Variants in CLN3 observed in about 807,000 individuals in gnomAD.
CLN3 encodes the protein battenin.
In CLN3, 49 loss-of-function variants were observed where a neutral mutation model predicts 60.7. The ratio of observed to expected loss-of-function variants is 0.81; its 90% CI spans 0.64 to 1.02. The LOEUF is 1.02. Among genes scored for constraint, CLN3 ranks in the 50% least tolerant of loss-of-function variants. The pLI is 0.00. For missense variants in CLN3, 516 were observed against 557.4 expected (o/e 0.93, Z 0.75); for synonymous variants, 256 against 245.8 (o/e 1.04, Z -0.39).
intron 1 of CLN3, 39 bp downstream of exon 1, chr16:28,491,981 C>G (rs980657715): frequency 1.6e-6 from 1 of 629,860 alleles, no homozygotes; most frequent in Non-Finnish European, 2.8e-6. Flanking sequence ...ATCGTACTCT[C>G]CCCCGCCCCG....
At chr16:28,469,744 T>A, downstream of CLN3, 3 of 400,400 alleles carry the variant, frequency 7.5e-6, no homozygotes, top group South Asian at 5.4e-5. Flanking sequence ...ATCCCGGCAC[T>A]GGGAGGCCGA....
intron 4 of CLN3, among the ~76,000 whole-genome samples, chr16:28,489,008 T>A (rs1400516123): frequency 2.0e-5 from 3 of 152,172 alleles, no homozygotes; most frequent in African/African-American, 7.2e-5. Context: ...TTCAAGCAAT[T>A]CTCCTGCCTC....
rs1397312340 is a variant in CLN3 at position 28,490,454 on chromosome 16, T to TA, written c.125+1027dup. ...GTGAGACTCTGTCTCAAAAATAAAATAAAATTAAAAAAAAAAAAAAAAAAA... is the reference window on the plus strand; with the variant it reads ...GTGAGACTCTGTCTCAAAAATAAAATAAAAATTAAAAAAAAAAAAAAAAAAA... On this transcript the variant is annotated intron_variant, in intron 3 of 15. Transcript: ENST00000636147. The TA allele has an allele frequency of 6.9e-4, 41 of 59,596 alleles. 1 individual carries two copies. 3.7% of individuals were successfully genotyped at this position (59,596 alleles called of 1,614,324 possible). A position where few individuals can be genotyped will look rare whatever the true frequency, so the allele number is the denominator to read the frequency against.
chr16:28,478,006 TC>T (rs2046025952), intron 14 of CLN3, 129 bp from the exon 15 acceptor site: 2 of 1,075,896 alleles, frequency 1.9e-6, no homozygotes, highest in East Asian at 5.1e-5. Flanking sequence ...CTAGATAAAA[TC>T]TCAACACCAG....
chr16:28,484,645 C>T (rs2046173505), intron 9 of CLN3: 1 of 180,526 alleles, frequency 5.5e-6, no homozygotes, highest in Non-Finnish European at 1.2e-5. Flanking sequence ...CCACTGTGCT[C>T]AGCAGGCCCT....
intron 4 of CLN3, 40 bp downstream of exon 4, chr16:28,489,250 C>G (rs1440091318): frequency 6.6e-7 from 1 of 1,509,300 alleles, no homozygotes; most frequent in Non-Finnish European, 9.2e-7. Flanking sequence ...CATCTTCCCA[C>G]AGGGACTAAC....
chr16:28,491,592 CCTA>C, intron 2 of CLN3, 32 bp from the exon 3 acceptor site: 1 of 1,613,698 alleles, frequency 6.2e-7, no homozygotes, highest in Non-Finnish European at 8.5e-7. Flanking sequence ...ATGACCCCCA[CCTA>C]CTCTCAGGTG....
At chr16:28,490,523 G>T (rs893457390) in intron 3 of CLN3, 1 of 151,290 alleles carries the variant, frequency 6.6e-6, no homozygotes, top group African/African-American at 2.4e-5. Context: ...CACTTTGGGA[G>T]GCCGAGGCGG....
rs374217931 is a variant in CLN3 at position 28,484,047 on chromosome 16, C to T, written c.749G>A (p.Arg250Gln). The change falls in exon 10 of 16, where the codon CGG becomes CAG. Residue 250 changes from arginine to glutamine, a missense_variant. By Grantham distance (43) the Arg-to-Gln change is conservative. Transcript: ENST00000636147. ...GGEEEAESAA[R>Q]QPLIRTEAPE... ...GGCCTCGGTTCTTATGAGGGGCTGC[C>T]GGGCTGCGCTCTCTGCTTCTTCTTC... The T allele has an allele frequency of 6.2e-6, 10 of 1,612,126 alleles. No homozygotes were observed. The highest frequency in any genetic ancestry group is 3.3e-5 in the Admixed American group (2 of 59,774).
intron 14 of CLN3, among the ~76,000 whole-genome samples, chr16:28,481,452 A>ACACACACGCG (rs899235845): frequency 8.5e-6 from 1 of 117,758 alleles, no homozygotes; most frequent in African/African-American, 3.7e-5. Flanking sequence ...ACACACACAC[A>ACACACACGCG]CGCACACACA....
Position 28,488,680 on chromosome 16 carries a change from T to C in CLN3, c.223-18A>G, listed in dbSNP as rs761423562. 1.9e-6 allele frequency: 3 copies of C among 1,613,292 alleles called. No homozygotes were observed. Among genetic ancestry groups the C allele is most frequent in the East Asian group, 2.2e-5 (1 of 44,880 alleles). The stretch of plus-strand genomic sequence containing the variant: ...GGGTCCACCTAATGGGAGAAAAGCA[T>C]GTCTTTCACCCTGGAGGCAGAGGGA... On this transcript the variant is annotated intron_variant, in intron 4 of 15. Coordinates refer to ENST00000636147, the MANE Select transcript of CLN3 (RefSeq NM_001042432.2).
chr16:28,472,151 G>A (rs577108460), downstream of CLN3, among the ~76,000 whole-genome samples: 14 of 152,326 alleles, frequency 9.2e-5, no homozygotes, highest in South Asian at 2.1e-4. Flanking sequence ...AGTGGCCCAC[G>A]CCTGTAATCC....
intron 3 of CLN3, chr16:28,490,404 A>T (rs893215068): frequency 1.3e-5 from 2 of 149,028 alleles, no homozygotes; most frequent in Non-Finnish European, 3.0e-5. Flanking sequence ...AGATTGTGCC[A>T]CTGCTCTCCA....
At chr16:28,482,407 G>C (rs1465714306) in intron 12 of CLN3, 25 bp from the exon 13 acceptor site, 1 of 1,613,908 alleles carries the variant, frequency 6.2e-7, no homozygotes, top group African/African-American at 1.3e-5. Context: ...AGACAGGGGA[G>C]ATGGACGGGG....
At chr16:28,472,505 C>T (rs959428313), downstream of CLN3, among the ~76,000 whole-genome samples, 9 of 152,106 alleles carry the variant, frequency 5.9e-5, no homozygotes, top group South Asian at 4.1e-4. Context: ...AAAATGAAAA[C>T]AAGATCTAAA....
chr16:28,487,470 CCCA>C lies in CLN3; in HGVS notation c.443_445del (p.Val148del), dbSNP rs752130042. On this transcript the variant is annotated inframe_deletion, in exon 7 of 16. Transcript: ENST00000636147. The stretch of plus-strand genomic sequence containing the variant: ...CACACACTCACCACACAGGCTGGTC[CCCA>C]CAGAATGAGAAAAGGCAACCAGGAC... 1.9e-5 allele frequency: 30 copies of C among 1,613,782 alleles called. No homozygotes were observed. Among genetic ancestry groups the C allele is most frequent in the Non-Finnish European group, 2.5e-5 (29 of 1,179,816 alleles).
intron 7 of CLN3, 21 bp from the exon 8 acceptor site, chr16:28,486,671 G>A: frequency 6.3e-7 from 1 of 1,594,676 alleles, no homozygotes; most frequent in African/African-American, 1.3e-5. Context: ...GACAAGCACT[G>A]GGATGGTCAC....
chr16:28,484,325 T>C, intron 9 of CLN3: 1 of 588,884 alleles, frequency 1.7e-6, no homozygotes. Context: ...TTTATCTCCT[T>C]ATTCCTATTC....
intron 10 of CLN3, among the ~76,000 whole-genome samples, chr16:28,483,713 C>CTTTTT (rs755660742): frequency 2.2e-3 from 225 of 100,522 alleles, no homozygotes; most frequent in Middle Eastern, 6.6e-3. Flanking sequence ...CCTTTCTTTT[C>CTTTTT]TTTTTTTTTT....
Sources: allele counts gnomAD v4.1 joint callset (sites outside exome capture counted in the v4.1 genomes callset), GRCh38; gene constraint gnomAD v4.1.1; transcripts MANE v1.5; gene names NCBI Gene and HGNC (gene_info 2026-07-23, HGNC 2026-07-21).